The following KIF24 variants were observed in gnomAD, a reference collection of about 807,000 sequenced individuals.
The protein encoded by KIF24 is kinesin-like protein KIF24.
In KIF24, 81 loss-of-function variants were observed where a neutral mutation model predicts 118.9. That is an observed-to-expected ratio of 0.68 (90% CI 0.57 to 0.82). The LOEUF is 0.82. Among genes scored for constraint, KIF24 ranks in the 40% least tolerant of loss-of-function variants. The pLI is 0.00. For synonymous variants in KIF24, 599 were observed against 610.0 expected (o/e 0.98, Z 0.27); for missense variants, 1,560 against 1,661.6 (o/e 0.94, Z 1.06).
intron 5 of KIF24, among the ~76,000 whole-genome samples, chr9:34,289,271 T>G (rs1249114215): frequency 1.3e-5 from 2 of 152,200 alleles, no homozygotes; most frequent in African/African-American, 4.8e-5. Flanking sequence ...TGCCCTATCA[T>G]GGTCTCCCTA....
chr9:34,271,307 T>C (rs1835494220), intron 7 of KIF24, among the ~76,000 whole-genome samples: 1 of 145,374 alleles, frequency 6.9e-6, no homozygotes, highest in Non-Finnish European at 1.5e-5. Flanking sequence ...ATAGAAACTT[T>C]TGCGGACAGC....
chr9:34,320,431 G>A (rs1587975809), intron 1 of KIF24, among the ~76,000 whole-genome samples: 1 of 151,560 alleles, frequency 6.6e-6, no homozygotes, highest in Non-Finnish European at 1.5e-5. Context: ...GCAGAGGCAA[G>A]CGGATCACCT....
At chr9:34,327,776 G>A (rs990247444) in intron 1 of KIF24, among the ~76,000 whole-genome samples, 1 of 151,670 alleles carries the variant, frequency 6.6e-6, no homozygotes. Flanking sequence ...TCAAGGCTGC[G>A]GTGAGCTATT....
At chr9:34,329,321 T>G (rs956842959), upstream of KIF24, among the ~76,000 whole-genome samples, 3 of 152,238 alleles carry the variant, frequency 2.0e-5, no homozygotes, top group African/African-American at 7.2e-5. Flanking sequence ...CCAATGGGCA[T>G]CCAAGGAATC....
intron 3 of KIF24, among the ~76,000 whole-genome samples, chr9:34,302,048 G>A (rs1380562927): frequency 1.4e-5 from 2 of 142,814 alleles, no homozygotes; most frequent in African/African-American, 5.2e-5. Context: ...AGGCTGGGGT[G>A]CAGTGGCGTG....
chr9:34,261,830 A>G (rs1835068396), intron 9 of KIF24, among the ~76,000 whole-genome samples: 1 of 141,166 alleles, frequency 7.1e-6, no homozygotes, highest in Non-Finnish European at 1.5e-5. Context: ...TGAAGCCATT[A>G]TTTTTTTGTG....
chr9:34,255,826 T>A lies in KIF24; in HGVS notation c.3781A>T (p.Arg1261Trp). ...VTWLKPRPIS[R>W]CLARPSSPLV... is the part of the protein sequence containing the mutation. ...GGAGAACTTGGCCTTGCTAAGCACC[T>A]TGAGATCGGCCTGGGTTTGAGCCAT... The change falls in exon 11 of 13, where the codon AGG (arginine) becomes TGG (tryptophan). Residue 1261 changes from arginine to tryptophan, a missense_variant. Coordinates refer to ENST00000402558, the MANE Select transcript of KIF24 (RefSeq NM_194313.4). The A allele has an allele frequency of 6.2e-7, 1 of 1,613,986 alleles. No homozygotes were observed. The highest frequency in any genetic ancestry group is 8.5e-7 in the Non-Finnish European group (1 of 1,179,868).
At chr9:34,293,503 G>T (rs556991688) in intron 4 of KIF24, among the ~76,000 whole-genome samples, 2 of 149,038 alleles carry the variant, frequency 1.3e-5, no homozygotes, top group East Asian at 4.0e-4. Context: ...GGCCGGACGC[G>T]GTGGCTCAGG....
At position 34,311,136 on chromosome 9, in the gene KIF24, C is replaced by T; in HGVS notation, c.211G>A (p.Val71Ile). 6.2e-7 allele frequency: 1 copy of T among 1,613,650 alleles called. No individual in the cohort carries two copies. The highest frequency in any genetic ancestry group is 8.5e-7 in the Non-Finnish European group (1 of 1,179,628). The part of the protein sequence containing the change: ...IKIMQEEDKA[V>I]SIPERHLQTS... ...TGAAGATGACGCTCTGGGATACTGACTGCTTTATCTTCTTCTTGCATAATC... is the reference window on the plus strand; with the variant it reads ...TGAAGATGACGCTCTGGGATACTGATTGCTTTATCTTCTTCTTGCATAATC... Residue 71 changes from valine (V) to isoleucine (I), a missense_variant, in exon 2 of 13, where the codon GTC becomes ATC. Transcript: ENST00000402558.
intron 2 of KIF24, among the ~76,000 whole-genome samples, chr9:34,309,782 T>C (rs1462052848): frequency 1.3e-5 from 2 of 152,132 alleles, no homozygotes; most frequent in Non-Finnish European, 2.9e-5. Context: ...AAACTGAGTC[T>C]TCTATTTTTA....
chr9:34,256,907 GT>G lies in KIF24; in HGVS notation c.2699del (p.Asn900ThrfsTer45). ...KSWVDSRDPI[N>X]HRRAALDHSC... Reference sequence around the variant, plus strand: ...TGTGATCGAGTGCTGCTCTTCTGTGGTTTATGGGGTCCCTGGAGTCCACCCA... The same window carrying G: ...TGTGATCGAGTGCTGCTCTTCTGTGGTTATGGGGTCCCTGGAGTCCACCCA... On this transcript the variant is annotated frameshift_variant, in exon 11 of 13. Coordinates refer to ENST00000402558, the MANE Select transcript of KIF24 (RefSeq NM_194313.4). LOFTEE classifies it high-confidence loss of function. 6.2e-7 allele frequency: 1 copy of G among 1,613,984 alleles called. No individual in the cohort carries two copies. The highest frequency in any genetic ancestry group is 8.5e-7 in the Non-Finnish European group (1 of 1,179,900).
intron 4 of KIF24, among the ~76,000 whole-genome samples, chr9:34,296,236 C>A (rs1366323235): frequency 8.0e-5 from 8 of 100,348 alleles, no homozygotes; most frequent in East Asian, 3.4e-4. Context: ...AAAAAAAAAA[C>A]ATCTATGAGG....
intron 3 of KIF24, among the ~76,000 whole-genome samples, chr9:34,300,850 C>CAA (rs57919845): frequency 6.6e-5 from 7 of 105,640 alleles, no homozygotes; most frequent in African/African-American, 2.7e-4. Flanking sequence ...CGGCATTTCT[C>CAA]AAAAAAAAAA....
At chr9:34,262,724 G>C in intron 9 of KIF24, among the ~76,000 whole-genome samples, 1 of 111,388 alleles carries the variant, frequency 9.0e-6, no homozygotes, top group African/African-American at 3.7e-5. Flanking sequence ...GGCCAGGCAT[G>C]ATGGCATATG....
In KIF24 at chr9:34,256,693, C is replaced by T. The variant is rs1296848802; in HGVS notation, c.2914G>A (p.Glu972Lys). 1.2e-6 allele frequency: 2 copies of T among 1,613,954 alleles called. No homozygotes were observed. The highest frequency in any genetic ancestry group is 1.7e-6 in the Non-Finnish European group (2 of 1,179,878). ...GGGGATGGCAAGTTGCCCTCATTCT[C>T]CCCAGAAACCTCACTTTGGGAGGCA... ...KDASQSEVSG[E>K]NEGNLPSPEE... is the part of the protein sequence containing the mutation. Residue 972 changes from glutamate to lysine, a missense_variant, in exon 11 of 13, where the codon GAG becomes AAG. By Grantham distance (56) the Glu-to-Lys change is moderately conservative. Around this residue, in one of 3 missense-constraint regions of KIF24, gnomAD observed 591 missense variants for 655.6 expected, o/e 0.90. Transcript: ENST00000402558.
chr9:34,280,036 G>A (rs1019607368), intron 6 of KIF24, among the ~76,000 whole-genome samples: 1 of 151,746 alleles, frequency 6.6e-6, no homozygotes, highest in African/African-American at 2.4e-5. Context: ...TGTAATCCCA[G>A]CACTTTGGGA....
At chr9:34,255,428 G>C (rs1408066753) in intron 11 of KIF24, among the ~76,000 whole-genome samples, 3 of 152,052 alleles carry the variant, frequency 2.0e-5, no homozygotes, top group Non-Finnish European at 4.4e-5. Context: ...TGTACTGAGG[G>C]GGCAGGGCTG....
intron 2 of KIF24, among the ~76,000 whole-genome samples, chr9:34,307,541 C>A (rs1587961942): frequency 6.6e-6 from 1 of 152,004 alleles, no homozygotes; most frequent in East Asian, 1.9e-4. Flanking sequence ...CATGAAACTG[C>A]AGATGGAATA....
intron 2 of KIF24, 71 bp from the exon 3 acceptor site, chr9:34,306,512 G>A (rs758179120): frequency 4.9e-5 from 54 of 1,104,560 alleles, no homozygotes; most frequent in Non-Finnish European, 7.0e-5. Context: ...CAAAGTATTG[G>A]TACCTTTTAG....
Sources: allele counts gnomAD v4.1 joint callset (sites outside exome capture counted in the v4.1 genomes callset), GRCh38; gene constraint gnomAD v4.1.1; regional missense constraint gnomAD v4.1.1; transcripts MANE v1.5; gene names NCBI Gene and HGNC (gene_info 2026-07-23, HGNC 2026-07-21).